The following TNFRSF11A variants were observed in gnomAD, a reference collection of about 807,000 sequenced individuals.
TNFRSF11A encodes TNF receptor superfamily member 11a.
In TNFRSF11A, 32 loss-of-function variants were observed where a neutral mutation model predicts 55.7. The ratio of observed to expected loss-of-function variants is 0.57; its 90% confidence interval spans 0.43 to 0.77. The LOEUF is 0.77. TNFRSF11A is among the 30% of genes least tolerant of loss of function. The probability of loss-of-function intolerance (pLI) is 0.00; values close to 1 mark genes in which losing one functional copy is unlikely to be tolerated. For synonymous variants in TNFRSF11A, 311 were observed against 331.0 expected (o/e 0.94, Z 0.65); for missense variants, 753 against 809.8 (o/e 0.93, Z 0.85).
At chr18:62,341,324 G>A (rs560379740) in intron 1 of TNFRSF11A, among the ~76,000 whole-genome samples, 214 of 152,274 alleles carry the variant, frequency 1.4e-3, no homozygotes, top group Non-Finnish European at 2.5e-3. Context: ...GCTTTTTAAC[G>A]CATGCATTTT....
At chr18:62,377,079 A>C (rs928702318) in intron 9 of TNFRSF11A, among the ~76,000 whole-genome samples, 1 of 151,978 alleles carries the variant, frequency 6.6e-6, no homozygotes, top group African/African-American at 2.4e-5. Context: ...ATGCCCAGCA[A>C]ATTTTTTGTA....
At position 62,347,909 on chromosome 18, in the gene TNFRSF11A, A is replaced by G. The variant is rs968099851; in HGVS notation, c.76-259A>G. On this transcript the variant is annotated intron_variant, in intron 1 of 9. Coordinates refer to ENST00000586569, the MANE Select transcript of TNFRSF11A (RefSeq NM_003839.4). The stretch of plus-strand genomic sequence containing the variant: ...ATAGAGCAAGACTCTGTCTAAAAAA[A>G]AAAACAAAAAAACAAAAAAAAACCC... Among the ~76,000 whole-genome samples, 68 of 151,906 alleles carry G rather than the reference A, an allele frequency of 4.5e-4. 1 individual carries two copies. In the East Asian group the frequency reaches 0.013, roughly 28 times the overall value.
At chr18:62,338,886 G>A (rs1003822177) in intron 1 of TNFRSF11A, among the ~76,000 whole-genome samples, 1 of 152,104 alleles carries the variant, frequency 6.6e-6, no homozygotes, top group African/African-American at 2.4e-5. Context: ...CATAAAAAGA[G>A]CCTAATTCAG....
intron 1 of TNFRSF11A, chr18:62,336,561 T>A (rs2046236778): frequency 6.6e-6 from 1 of 152,196 alleles, no homozygotes; most frequent in African/African-American, 2.4e-5. Flanking sequence ...AGAAAGCAGT[T>A]CTTATCTGAA....
chr18:62,332,289 G>A (rs2046166500), intron 1 of TNFRSF11A, among the ~76,000 whole-genome samples: 1 of 152,176 alleles, frequency 6.6e-6, no homozygotes, highest in African/African-American at 2.4e-5. Flanking sequence ...ACCTAATGCA[G>A]TTAGCACCTA....
At chr18:62,354,616 A>G (rs1192763508) in intron 4 of TNFRSF11A, 82 bp downstream of exon 4, 1 of 1,586,710 alleles carries the variant, frequency 6.3e-7, no homozygotes, top group Non-Finnish European at 8.5e-7. Context: ...AATAGCAGCA[A>G]GAAAGCTCCA....
At chr18:62,342,633 AATAGAGATAAATTTAGC>A (rs1157654019) in intron 1 of TNFRSF11A, among the ~76,000 whole-genome samples, 1 of 152,110 alleles carries the variant, frequency 6.6e-6, no homozygotes, top group African/African-American at 2.4e-5. Context: ...AGCTGGATAA[AATAGAGATAAATTTAGC>A]TGGAGAAAGC....
At chr18:62,384,215 C>T (rs1240557755) in intron 9 of TNFRSF11A, among the ~76,000 whole-genome samples, 1 of 152,150 alleles carries the variant, frequency 6.6e-6, no homozygotes, top group African/African-American at 2.4e-5. Flanking sequence ...TGCCCCTAGG[C>T]TTGCTCGTTT....
At chr18:62,331,805 G>A (rs1200154403) in intron 1 of TNFRSF11A, among the ~76,000 whole-genome samples, 3 of 152,168 alleles carry the variant, frequency 2.0e-5, no homozygotes, top group African/African-American at 4.8e-5. Flanking sequence ...GCACATTGCC[G>A]CTGCCTAAGA....
intron 5 of TNFRSF11A, among the ~76,000 whole-genome samples, chr18:62,359,416 G>C (rs1394267541): frequency 6.6e-6 from 1 of 151,748 alleles, no homozygotes; most frequent in East Asian, 1.9e-4. Flanking sequence ...ATCTCGCTCT[G>C]TTGCCCAGGC....
At chr18:62,360,914 A>C (rs1909639609) in intron 6 of TNFRSF11A, among the ~76,000 whole-genome samples, 2 of 152,202 alleles carry the variant, frequency 1.3e-5, no homozygotes, top group South Asian at 4.1e-4. Flanking sequence ...AGGCCACAGA[A>C]TAACCGGGTT....
rs2046438507 is a variant in TNFRSF11A at position 62,349,808 on chromosome 18, T to A, written c.158-4T>A. 1 of 1,613,924 alleles carries A rather than the reference T, an allele frequency of 6.2e-7. No individual in the cohort carries two copies. Among genetic ancestry groups the A allele is most frequent in the Non-Finnish European group, 8.5e-7 (1 of 1,179,854 alleles). On this transcript the variant is annotated splice_region_variant and splice_polypyrimidine_tract_variant and intron_variant, in intron 2 of 9. Transcript: ENST00000586569. ...GTTGCATTTTTCTCCCTCATTTTTT[T>A]AAGGAAAGTACATGTCTTCTAAATG...
chr18:62,350,010 T>C, intron 3 of TNFRSF11A, 73 bp downstream of exon 3: 1 of 1,592,862 alleles, frequency 6.3e-7, no homozygotes, highest in South Asian at 1.1e-5. Flanking sequence ...GAAACATTTT[T>C]AGAGGCAGCC....
chr18:62,360,550 G>A (rs536085378), intron 6 of TNFRSF11A, among the ~76,000 whole-genome samples: 6 of 151,986 alleles, frequency 3.9e-5, no homozygotes, highest in Admixed American at 2.0e-4. Flanking sequence ...GGGTTCAAGC[G>A]ATTCTCCTGC....
chr18:62,348,196 C>T lies in TNFRSF11A; in HGVS notation c.104C>T (p.Thr35Ile). 1.9e-6 allele frequency: 3 copies of T among 1,614,026 alleles called. No individual in the cohort carries two copies. Among genetic ancestry groups the T allele is most frequent in the Non-Finnish European group, 8.5e-7 (1 of 1,179,994 alleles). ...GCTTTGCAGATCGCTCCTCCATGTA[C>T]CAGTGAGAAGCATTATGAGCATCTG... is the stretch of plus-strand genomic sequence containing the variant. ...QVALQIAPPC[T>I]SEKHYEHLGR... Residue 35 changes from threonine (T) to isoleucine (I), a missense_variant, in exon 2 of 10, where the codon ACC becomes ATC. Physicochemically the swap from Thr to Ile is moderately conservative, Grantham distance 89. This residue lies in a region of TNFRSF11A where 156 missense variants were observed against 155.1 expected (regional missense o/e 1.01). Coordinates refer to ENST00000586569, the MANE Select transcript of TNFRSF11A (RefSeq NM_003839.4).
At chr18:62,332,599 A>C (rs554777973) in intron 1 of TNFRSF11A, among the ~76,000 whole-genome samples, 1 of 152,318 alleles carries the variant, frequency 6.6e-6, no homozygotes, top group South Asian at 2.1e-4. Context: ...TTTGTTCTTT[A>C]ATGGGGTAAA....
intron 7 of TNFRSF11A, among the ~76,000 whole-genome samples, chr18:62,365,546 A>G (rs1910019825): frequency 6.6e-6 from 1 of 152,078 alleles, no homozygotes; most frequent in African/African-American, 2.4e-5. Flanking sequence ...AGTACATTCA[A>G]CCTAGTTCAC....
intron 8 of TNFRSF11A, among the ~76,000 whole-genome samples, chr18:62,368,113 T>C (rs1450728103): frequency 2.0e-5 from 3 of 152,202 alleles, no homozygotes; most frequent in Non-Finnish European, 4.4e-5. Flanking sequence ...TTCTTTGATA[T>C]AAAATGTATA....
intron 1 of TNFRSF11A, among the ~76,000 whole-genome samples, chr18:62,329,192 T>G (rs1392290295): frequency 6.6e-6 from 1 of 152,244 alleles, no homozygotes; most frequent in African/African-American, 2.4e-5. Context: ...AGGCCATTTT[T>G]TGGTTTGTTT....
Sources: gnomAD v4.1 joint callset for allele counts (sites outside exome capture counted in the v4.1 genomes callset) on GRCh38, gnomAD v4.1.1 for gene constraint, gnomAD v4.1.1 regional missense constraint, MANE v1.5 for transcripts, NCBI Gene and HGNC (gene_info 2026-07-23, HGNC 2026-07-21) for gene names.